Variants in SRRM2 observed in about 807,000 individuals in gnomAD.
SRRM2 encodes serine/arginine repetitive matrix protein 2.
Under a neutral mutation model 213.8 loss-of-function variants are expected in SRRM2, and 30 were observed. The observed-to-expected ratio is 0.14, with a 90% CI of 0.10 to 0.19. The LOEUF (loss-of-function observed/expected upper bound fraction) is 0.19, where lower values mean the gene tolerates loss of function less well. Ranked by LOEUF, SRRM2 falls within the 10% of genes least tolerant of loss-of-function variation. SRRM2 has a pLI of 1.00. For synonymous variants in SRRM2, 2,025 were observed against 1,377.7 expected, an observed-to-expected ratio of 1.47 and a Z score of -10.40; for missense variants, 4,904 against 3,647.0, an observed-to-expected ratio of 1.34 and a Z score of -8.88.
chr16:2,762,548 C>T lies in SRRM2; in HGVS notation c.2020C>T (p.Pro674Ser). Reference protein sequence around the residue: ...ARRGRSRSRTPARRSGRSRSR... With the variant: ...ARRGRSRSRTSARRSGRSRSR... ...ACGTGGCCGCTCACGCTCTAGAACC[C>T]CAGCTAGACGCAGTGGTCGCTCACG... Residue 674 changes from proline (P) to serine (S), a missense_variant, in exon 11 of 15, where the codon CCA (proline) becomes TCA (serine). Coordinates refer to ENST00000301740, the MANE Select transcript of SRRM2 (RefSeq NM_016333.4). 1.2e-6 allele frequency: 2 copies of T among 1,613,960 alleles called. No individual in the cohort carries two copies. The highest frequency in any genetic ancestry group is 2.2e-5 in the South Asian group (2 of 91,060).
chr16:2,753,056 C>T (rs571998836), intron 1 of SRRM2, among the ~76,000 whole-genome samples: 1 of 151,962 alleles, frequency 6.6e-6, no homozygotes, highest in African/African-American at 2.4e-5. Flanking sequence ...GCCCCTCCCC[C>T]ATGACAACGG....
At position 2,759,130 on chromosome 16, in the gene SRRM2, T is replaced by C; in HGVS notation, c.657-10T>C. 1 of 1,614,160 alleles carries C rather than the reference T, an allele frequency of 6.2e-7. No homozygotes were observed. The highest frequency in any genetic ancestry group is 8.5e-7 in the Non-Finnish European group (1 of 1,180,034). On this transcript the variant is annotated splice_polypyrimidine_tract_variant and intron_variant, in intron 6 of 14. Transcript: ENST00000301740. ...GTTTCTTATGTTTTTTCTTCTCTTT[T>C]TTCCAACAGGTCAGAATCTGAGTCC...
In SRRM2 at chr16:2,770,386, A is replaced by G. The variant is rs1018301024; in HGVS notation, c.8056A>G (p.Arg2686Gly). The change falls in exon 13 of 15, where the codon AGG (arginine) becomes GGG (glycine). Residue 2686 changes from arginine (R) to glycine (G), a missense_variant. By Grantham distance (125) the Arg-to-Gly change is moderately radical (BLOSUM62 -2). Transcript: ENST00000301740. ...CCCCCGGAAGCCAATAGACTCCCTC[A>G]GGGACTCTCGGTCCCTCAGCTACTC... Reference protein sequence around the residue: ...RSPRKPIDSLRDSRSLSYSPV... With the variant: ...RSPRKPIDSLGDSRSLSYSPV... The G allele has an allele frequency of 6.8e-6, 11 of 1,608,514 alleles. No homozygotes were observed. Among genetic ancestry groups the G allele is most frequent in the Non-Finnish European group, 4.2e-6 (5 of 1,177,610 alleles).
At chr16:2,758,419 A>G (rs565372169) in intron 4 of SRRM2, 51 bp from the exon 5 acceptor site, 2 of 1,424,690 alleles carry the variant, frequency 1.4e-6, no homozygotes, top group East Asian at 2.3e-5. Flanking sequence ...AAAGAAAAGA[A>G]AGGAATGTTT....
rs140105305 is a variant in SRRM2, at chr16:2,765,141, G to C, written c.4613G>C (p.Arg1538Pro). Residue 1538 changes from arginine to proline, a missense_variant, in exon 11 of 15, where the codon CGT becomes CCT. Physicochemically the swap from Arg to Pro is moderately radical, Grantham distance 103. Coordinates refer to ENST00000301740, the MANE Select transcript of SRRM2 (RefSeq NM_016333.4). ...CGGACTCCCCTGGGGCAGAGAAGTC[G>C]TTCGGGATCCTCTCAAGAACTTGAT... Reference protein sequence around the residue: ...VARTPLGQRSRSGSSQELDVK... With the variant: ...VARTPLGQRSPSGSSQELDVK... The C allele has an allele frequency of 6.2e-7, 1 of 1,614,172 alleles. No homozygotes were observed. The highest frequency in any genetic ancestry group is 8.5e-7 in the Non-Finnish European group (1 of 1,180,036).
chr16:2,764,850 C>A lies in SRRM2; in HGVS notation c.4322C>A (p.Ser1441Tyr). The part of the protein sequence containing the change: ...LPRTPSRRSR[S>Y]GSSPGLRDGS... ...AGAACTCCATCAAGGAGAAGCAGGT[C>A]TGGGTCTTCTCCAGGACTTAGAGAT... Residue 1441 changes from serine (S) to tyrosine (Y), a missense_variant, in exon 11 of 15, where the codon TCT (serine) becomes TAT (tyrosine). Physicochemically the swap from Ser to Tyr is moderately radical, Grantham distance 144. Transcript: ENST00000301740. 6.2e-7 allele frequency: 1 copy of A among 1,614,218 alleles called. No homozygotes were observed. The highest frequency in any genetic ancestry group is 1.1e-5 in the South Asian group (1 of 91,084).
rs1156281819 is a variant in SRRM2, at chr16:2,769,292, C to T, written c.8021+8C>T. ...ACCCCCTGGCGAGCGGAGGTGAGTG[C>T]TGTCTTGCCTGAGTTGAAAGGTGGG... On this transcript the variant is annotated splice_region_variant and intron_variant, in intron 12 of 14. Transcript: ENST00000301740. The T allele has an allele frequency of 1.3e-6, 2 of 1,543,942 alleles. No homozygotes were observed. The highest frequency in any genetic ancestry group is 1.7e-6 in the Non-Finnish European group (2 of 1,145,804).
Position 2,771,312 on chromosome 16 carries a change from C to T in SRRM2, c.*445C>T. On this transcript the variant is annotated 3_prime_UTR_variant, in exon 15 of 15. Coordinates refer to ENST00000301740, the MANE Select transcript of SRRM2 (RefSeq NM_016333.4). ...CTGTCCCCCATGAGGTTGTGAACCCCTCCCCCCAACTTTTCATGTTTCTTA... is the reference window on the plus strand; with the variant it reads ...CTGTCCCCCATGAGGTTGTGAACCCTTCCCCCCAACTTTTCATGTTTCTTA... 2 of 1,214,068 alleles carry T rather than the reference C, an allele frequency of 1.6e-6. No individual in the cohort carries two copies. The highest frequency in any genetic ancestry group is 2.4e-6 in the Non-Finnish European group (2 of 829,554). The allele number at this position is 1,214,068 out of a possible 1,614,324, so 75.2% of individuals were successfully genotyped here. A position where few individuals can be genotyped will look rare whatever the true frequency, so the allele number is the denominator to read the frequency against.
At position 2,763,166 on chromosome 16, in the gene SRRM2, G is replaced by A; in HGVS notation, c.2638G>A (p.Glu880Lys). ...CTGTTTTGAATCATCACCTGACCCTGAGTTGAAATCTAGGACCCCTTCTAG... is the reference window on the plus strand; with the variant it reads ...CTGTTTTGAATCATCACCTGACCCTAAGTTGAAATCTAGGACCCCTTCTAG... ...RSCFESSPDP[E>K]LKSRTPSRHS... Residue 880 changes from glutamate to lysine, a missense_variant, in exon 11 of 15, where the codon GAG (glutamate) becomes AAG (lysine). Glu to Lys is a moderately conservative substitution (Grantham distance 56, BLOSUM62 1). Coordinates refer to ENST00000301740, the MANE Select transcript of SRRM2 (RefSeq NM_016333.4). 6.2e-7 allele frequency: 1 copy of A among 1,614,086 alleles called. No homozygotes were observed.
At chr16:2,769,888 G>C (rs1476927920) in intron 12 of SRRM2, 1 of 463,590 alleles carries the variant, frequency 2.2e-6, no homozygotes, top group Non-Finnish European at 4.3e-6. Flanking sequence ...GCAGTCTAAG[G>C]AGAGCCCATG....
intron 1 of SRRM2, 150 bp downstream of exon 1, chr16:2,752,996 CCCTT>C (rs1340902153): frequency 6.5e-6 from 1 of 153,284 alleles, no homozygotes; most frequent in Non-Finnish European, 1.4e-5. Context: ...GCCCTCGCCT[CCCTT>C]CCCCCTTCCC....
At position 2,759,358 on chromosome 16, in the gene SRRM2, C is replaced by G. The variant is rs372623157; in HGVS notation, c.696C>G (p.Pro232=). 2.5e-6 allele frequency: 4 copies of G among 1,600,486 alleles called. No individual in the cohort carries two copies. The African/African-American group carries it at 4.1e-5, about 16-fold the overall frequency. ...SESKKRKHRS[P]TPKSKRKSKD... is the part of the protein sequence containing the mutation. The stretch of plus-strand genomic sequence containing the variant: ...ACCTTTCCTTATTTCCCAGGTCTCC[C>G]ACTCCAAAGAGCAAACGTAAATCTA... Residue 232 remains proline, a synonymous_variant, in exon 8 of 15, where the codon CCC becomes CCG. Transcript: ENST00000301740.
Position 2,770,374 on chromosome 16 carries a change from A to T in SRRM2, c.8044A>T (p.Ile2682Leu). ...ERRSRSPRKP[I>L]DSLRDSRSLS... ...CAGGTCCCGCAGCCCCCGGAAGCCA[A>T]TAGACTCCCTCAGGGACTCTCGGTC... Residue 2682 changes from isoleucine (I) to leucine (L), a missense_variant, in exon 13 of 15, where the codon ATA (isoleucine) becomes TTA (leucine). Coordinates refer to ENST00000301740, the MANE Select transcript of SRRM2 (RefSeq NM_016333.4). 6.2e-7 allele frequency: 1 copy of T among 1,606,772 alleles called. No individual in the cohort carries two copies. The highest frequency in any genetic ancestry group is 1.1e-5 in the South Asian group (1 of 89,512).
At position 2,770,699 on chromosome 16, in the gene SRRM2, T is replaced by C. The variant is rs201652624; in HGVS notation, c.8231T>C (p.Met2744Thr). 8.3e-6 allele frequency: 13 copies of C among 1,560,068 alleles called. No homozygotes were observed. The highest frequency in any genetic ancestry group is 2.4e-5 in the East Asian group (1 of 41,790). ...RRRETPSPRP[M>T]RHRSSRSP is the part of the protein sequence containing the mutation. ...AGGGAGACACCTAGCCCTCGGCCCA[T>C]GAGACACCGCTCCTCCAGGTGCGTG... Residue 2744 changes from methionine (M) to threonine (T), a missense_variant, in exon 14 of 15, where the codon ATG becomes ACG. Met to Thr is a moderately conservative substitution (Grantham distance 81). Coordinates refer to ENST00000301740, the MANE Select transcript of SRRM2 (RefSeq NM_016333.4).
In SRRM2 at chr16:2,762,520, C is replaced by T. The variant is rs144485456; in HGVS notation, c.1992C>T (p.Ala664=). 1 of 1,613,054 alleles carries T rather than the reference C, an allele frequency of 6.2e-7. No homozygotes were observed. The highest frequency in any genetic ancestry group is 1.1e-5 in the South Asian group (1 of 91,012). ...GCCGCTCACGCTCCAGAACCCCAGCCAGACGTGGCCGCTCACGCTCTAGAA... is the reference window on the plus strand; with the variant it reads ...GCCGCTCACGCTCCAGAACCCCAGCTAGACGTGGCCGCTCACGCTCTAGAA... ...RRGRSRSRTP[A]RRGRSRSRTP... Residue 664 remains alanine, a synonymous_variant, in exon 11 of 15, where the codon GCC becomes GCT. Coordinates refer to ENST00000301740, the MANE Select transcript of SRRM2 (RefSeq NM_016333.4).
Position 2,765,716 on chromosome 16 carries a change from G to A in SRRM2, c.5188G>A (p.Val1730Met). 1.2e-6 allele frequency: 2 copies of A among 1,614,150 alleles called. No individual in the cohort carries two copies. Among genetic ancestry groups the A allele is most frequent in the South Asian group, 1.1e-5 (1 of 91,066 alleles). ...TPPRHRRSPSVSSPEPAEKSR... is the reference protein window; with the variant it reads ...TPPRHRRSPSMSSPEPAEKSR... Reference sequence around the variant, plus strand: ...CCCAAGGCACCGGAGAAGTCCCTCAGTGTCTTCCCCGGAGCCAGCCGAAAA... The same window carrying A: ...CCCAAGGCACCGGAGAAGTCCCTCAATGTCTTCCCCGGAGCCAGCCGAAAA... Residue 1730 changes from valine to methionine, a missense_variant, in exon 11 of 15, where the codon GTG (valine) becomes ATG (methionine). Transcript: ENST00000301740.
At position 2,766,414 on chromosome 16, in the gene SRRM2, T is replaced by A. The variant is rs1373014384; in HGVS notation, c.5886T>A (p.Thr1962=). 1 of 1,612,970 alleles carries A rather than the reference T, an allele frequency of 6.2e-7. No homozygotes were observed. ...CTCGCAGAAGGTCCAGATCCAGGACTCCACCAGTAACCAGGAGGCGATCTC... is the reference window on the plus strand; with the variant it reads ...CTCGCAGAAGGTCCAGATCCAGGACACCACCAGTAACCAGGAGGCGATCTC... ...PVTRRRSRSR[T]PPVTRRRSRS... Residue 1962 remains threonine (T), a synonymous_variant, in exon 11 of 15, where the codon ACT becomes ACA. Transcript: ENST00000301740. The surrounding 1 kb of genome is among the most constrained non-coding windows in gnomAD (Gnocchi z 7.0).
At position 2,768,911 on chromosome 16, in the gene SRRM2, C is replaced by G. The variant is rs1259390060; in HGVS notation, c.7734-86C>G. On this transcript the variant is annotated intron_variant, in intron 11 of 14. Transcript: ENST00000301740. ...CCAGCGCCTTTCTCAGGCACCCCTC[C>G]CCCCACTGCCGTTCCTCCAGGCCAA... 3.2e-6 allele frequency: 5 copies of G among 1,580,498 alleles called. No homozygotes were observed. In the African/African-American group the frequency reaches 4.1e-5, roughly 13 times the overall value.
At position 2,769,174 on chromosome 16, in the gene SRRM2, CTCCTCA is replaced by C. The variant is rs1291811373; in HGVS notation, c.7914_7919del (p.Ser2647_Ser2648del). On this transcript the variant is annotated inframe_deletion, in exon 12 of 15. Transcript: ENST00000301740. ...CCTCCTCTTCCTCTTCTTCTTCTTC[CTCCTCA>C]TCTTCCTCCTCCTCGTCGTCTTCCT... The C allele has an allele frequency of 1.2e-6, 2 of 1,610,734 alleles. No homozygotes were observed. The highest frequency in any genetic ancestry group is 2.7e-5 in the African/African-American group (2 of 74,788).
Sources: allele counts gnomAD v4.1 joint callset (sites outside exome capture counted in the v4.1 genomes callset), GRCh38; gene constraint gnomAD v4.1.1; non-coding constraint Gnocchi (gnomAD v3.1); transcripts MANE v1.5; gene names NCBI Gene and HGNC (gene_info 2026-07-23, HGNC 2026-07-21).